TRAF3IP1: variants seen among roughly 807,000 people sequenced by gnomAD.
TRAF3IP1 encodes the protein TRAF3-interacting protein 1.
TRAF3IP1 carries 53 observed loss-of-function variants against 89.9 expected under a neutral mutation model. The ratio of observed to expected loss-of-function variants is 0.59; its 90% confidence interval spans 0.47 to 0.74. The LOEUF (loss-of-function observed/expected upper bound fraction) is 0.74. Among genes scored for constraint, TRAF3IP1 ranks in the 30% least tolerant of loss-of-function variants. TRAF3IP1 has a pLI of 0.00. For missense variants in TRAF3IP1, 806 were observed against 866.1 expected (o/e 0.93, Z 0.87); for synonymous variants, 311 against 322.1 (o/e 0.97, Z 0.37).
At chr2:238,396,901 G>C (rs1701251845) in intron 15 of TRAF3IP1, among the ~76,000 whole-genome samples, 1 of 152,222 alleles carries the variant, frequency 6.6e-6, no homozygotes, top group South Asian at 2.1e-4. Context: ...GCTGGCTGCT[G>C]CTGGCGCTGG....
chr2:238,321,914 C>G (rs1697566927), intron 1 of TRAF3IP1, among the ~76,000 whole-genome samples: 1 of 152,208 alleles, frequency 6.6e-6, no homozygotes, highest in African/African-American at 2.4e-5. Context: ...TTTACTGGTT[C>G]TGCCCTCCTA....
intron 15 of TRAF3IP1, among the ~76,000 whole-genome samples, chr2:238,378,058 TA>T (rs1700392502): frequency 6.6e-6 from 1 of 152,098 alleles, no homozygotes; most frequent in Admixed American, 6.5e-5. Flanking sequence ...TAACCAATAT[TA>T]CTTACTTAGG....
chr2:238,370,325 T>C (rs1038497634), intron 15 of TRAF3IP1, among the ~76,000 whole-genome samples: 1 of 152,076 alleles, frequency 6.6e-6, no homozygotes, highest in African/African-American at 2.4e-5. Flanking sequence ...ATTGTGCATG[T>C]CTGTGTATGC....
intron 1 of TRAF3IP1, among the ~76,000 whole-genome samples, chr2:238,321,022 G>A (rs1416242588): frequency 2.6e-5 from 4 of 152,126 alleles, no homozygotes; most frequent in Admixed American, 2.6e-4. Flanking sequence ...ACAGGGTGCG[G>A]GTCGGGGGCC....
chr2:238,335,107 T>C (rs5018862), intron 7 of TRAF3IP1, among the ~76,000 whole-genome samples: 41,690 of 152,126 alleles, frequency 0.27, 5,813 homozygotes, highest in African/African-American at 0.29. Context: ...AGTTTTTGCA[T>C]GAGTGTTTCT....
intron 15 of TRAF3IP1, among the ~76,000 whole-genome samples, chr2:238,376,882 T>C (rs1700337206): frequency 6.6e-6 from 1 of 152,228 alleles, no homozygotes; most frequent in South Asian, 2.1e-4. Context: ...GTGCAGGCTC[T>C]GTTCTAAGAC....
chr2:238,373,099 G>A (rs1700175293), intron 15 of TRAF3IP1, among the ~76,000 whole-genome samples: 1 of 152,096 alleles, frequency 6.6e-6, no homozygotes, highest in Admixed American at 6.5e-5. Context: ...TCACTCTGAT[G>A]GTAGTTTCTT....
At chr2:238,327,547 G>C (rs1448025770) in intron 3 of TRAF3IP1, among the ~76,000 whole-genome samples, 1 of 152,124 alleles carries the variant, frequency 6.6e-6, no homozygotes, top group Non-Finnish European at 1.5e-5. Context: ...GCTTGAATCA[G>C]ATCAGTGGTT....
intron 15 of TRAF3IP1, among the ~76,000 whole-genome samples, chr2:238,369,141 G>A (rs543832370): frequency 6.6e-6 from 1 of 152,168 alleles, no homozygotes; most frequent in South Asian, 2.1e-4. Context: ...AAAGTACTTT[G>A]TACAAGTAGA....
Position 238,320,612 on chromosome 2 carries a change from C to G in TRAF3IP1, c.-51C>G. ...GCGGCCAGGGACCCGGGCTTAGGCTCGGCCAGGCCGGCTGAGGGGCGCGGG... is the reference window on the plus strand; with the variant it reads ...GCGGCCAGGGACCCGGGCTTAGGCTGGGCCAGGCCGGCTGAGGGGCGCGGG... On this transcript the variant is annotated 5_prime_UTR_variant, in exon 1 of 17. Transcript: ENST00000373327. 8.3e-7 allele frequency: 1 copy of G among 1,209,604 alleles called. No individual in the cohort carries two copies. Among genetic ancestry groups the G allele is most frequent in the Non-Finnish European group, 1.0e-6 (1 of 960,184 alleles). The allele number at this position is 1,209,604 out of a possible 1,614,324, so 74.9% of individuals were successfully genotyped here.
chr2:238,352,825 A>G lies in TRAF3IP1; in HGVS notation c.1452-2A>G. On this transcript the variant is annotated splice_acceptor_variant, in intron 12 of 16. Transcript: ENST00000373327. LOFTEE classifies it high-confidence loss of function. ...AATTTAATCTAATTTCTTTTTATTT[A>G]GGTCAGGGAGTGGTAAAACCGTTTC... is the stretch of plus-strand genomic sequence containing the variant. 6.3e-7 allele frequency: 1 copy of G among 1,594,252 alleles called. No homozygotes were observed. The highest frequency in any genetic ancestry group is 8.5e-7 in the Non-Finnish European group (1 of 1,173,894).
rs1701370008 is a variant in TRAF3IP1 at position 238,399,224 on chromosome 2, C to T, written c.*305C>T. ...TGCTGTAACCTGTTTAGTTCTGTAC[C>T]AGAACTCTCTAGCAGGTAAGTGGTG... is the stretch of plus-strand genomic sequence containing the variant. On this transcript the variant is annotated 3_prime_UTR_variant, in exon 17 of 17. Transcript: ENST00000373327. 1 of 227,426 alleles carries T rather than the reference C, an allele frequency of 4.4e-6. No homozygotes were observed. Among genetic ancestry groups the T allele is most frequent in the Non-Finnish European group, 8.7e-6 (1 of 115,344 alleles). 14.1% of individuals were successfully genotyped at this position (227,426 alleles called of 1,614,324 possible). A position where few individuals can be genotyped will look rare whatever the true frequency, so the allele number is the denominator to read the frequency against.
intron 11 of TRAF3IP1, 82 bp from the exon 12 acceptor site, chr2:238,349,243 C>A: frequency 7.6e-7 from 1 of 1,312,370 alleles, no homozygotes; most frequent in Non-Finnish European, 1.1e-6. Flanking sequence ...TGAGAGTTAA[C>A]ATTCACCTGG....
chr2:238,320,768 C>G lies in TRAF3IP1; in HGVS notation c.106C>G (p.His36Asp). ...GAGCAAGCCCCCGTTCCGCTACCTG[C>G]ACGACATCATCACGGAGGTGGGCGC... is the stretch of plus-strand genomic sequence containing the variant. Reference protein sequence around the residue: ...LLSKPPFRYLHDIITEVIRMT... With the variant: ...LLSKPPFRYLDDIITEVIRMT... The change falls in exon 1 of 17, where the codon CAC (histidine) becomes GAC (aspartate). Residue 36 changes from histidine (H) to aspartate (D), a missense_variant. His to Asp is a moderately conservative substitution (Grantham distance 81, BLOSUM62 -1). Around this residue, in one of 3 missense-constraint regions of TRAF3IP1, gnomAD observed 732 missense variants for 780.5 expected, o/e 0.94. Transcript: ENST00000373327. 15 of 1,427,734 alleles carry G rather than the reference C, an allele frequency of 1.1e-5. No homozygotes were observed. The highest frequency in any genetic ancestry group is 1.3e-5 in the Non-Finnish European group (14 of 1,076,888). 88.4% of individuals were successfully genotyped at this position (1,427,734 alleles called of 1,614,324 possible).
At position 238,325,333 on chromosome 2, in the gene TRAF3IP1, G is replaced by C; in HGVS notation, c.151G>C (p.Gly51Arg). The change falls in exon 2 of 17, where the codon GGC (glycine) becomes CGC (arginine). Residue 51 changes from glycine to arginine, a missense_variant. By Grantham distance (125) the Gly-to-Arg change is moderately radical. Transcript: ENST00000373327. ...GATTAGAATGACTGGTTTCATGAAG[G>C]GCCTCTACACAGACGCCGAGATGAA... The part of the protein sequence containing the change: ...EVIRMTGFMK[G>R]LYTDAEMKSD... The C allele has an allele frequency of 6.2e-7, 1 of 1,614,106 alleles. No homozygotes were observed. The highest frequency in any genetic ancestry group is 8.5e-7 in the Non-Finnish European group (1 of 1,180,012).
At chr2:238,366,760 C>G (rs1699892433) in intron 15 of TRAF3IP1, among the ~76,000 whole-genome samples, 1 of 152,070 alleles carries the variant, frequency 6.6e-6, no homozygotes, top group South Asian at 2.1e-4. Context: ...GACAGCCTGC[C>G]TTGGATGTCA....
intron 3 of TRAF3IP1, 55 bp from the exon 4 acceptor site, chr2:238,328,631 C>G (rs766912188): frequency 6.4e-7 from 1 of 1,567,678 alleles, no homozygotes; most frequent in East Asian, 2.3e-5. Flanking sequence ...CTATTTGTTA[C>G]GTGTGCGGAT....
At position 238,325,870 on chromosome 2, in the gene TRAF3IP1, G is replaced by T; in HGVS notation, c.254G>T (p.Gly85Val). Reference protein sequence around the residue: ...KAIDVVVMVSGEPLLAKPARI... With the variant: ...KAIDVVVMVSVEPLLAKPARI... Reference sequence around the variant, plus strand: ...ATAGACGTGGTTGTAATGGTGTCGGGAGAGCCACTGTTGGCCAAACCAGCC... The same window carrying T: ...ATAGACGTGGTTGTAATGGTGTCGGTAGAGCCACTGTTGGCCAAACCAGCC... Residue 85 changes from glycine to valine, a missense_variant, in exon 3 of 17, where the codon GGA (glycine) becomes GTA (valine). Coordinates refer to ENST00000373327, the MANE Select transcript of TRAF3IP1 (RefSeq NM_015650.4). The T allele has an allele frequency of 1.2e-6, 2 of 1,614,206 alleles. No homozygotes were observed. Among genetic ancestry groups the T allele is most frequent in the Non-Finnish European group, 1.7e-6 (2 of 1,180,024 alleles).
chr2:238,332,090 A>AG (rs1698154323), intron 5 of TRAF3IP1, among the ~76,000 whole-genome samples: 4 of 152,242 alleles, frequency 2.6e-5, no homozygotes, highest in African/African-American at 9.6e-5. Context: ...GCACGTGTGC[A>AG]GTGCCCAGCT....
Sources: gnomAD v4.1 joint callset for allele counts (sites outside exome capture counted in the v4.1 genomes callset) on GRCh38, gnomAD v4.1.1 for gene constraint, gnomAD v4.1.1 regional missense constraint, MANE v1.5 for transcripts, NCBI Gene and HGNC (gene_info 2026-07-23, HGNC 2026-07-21) for gene names.